IL16: variants seen among roughly 807,000 people sequenced by gnomAD.
The protein encoded by IL16 is pro-interleukin-16.
Under a neutral mutation model 110.1 loss-of-function variants are expected in IL16, and 67 were observed. That is an observed-to-expected ratio of 0.61 (90% confidence interval 0.50 to 0.75). The LOEUF (loss-of-function observed/expected upper bound fraction) is 0.75. Among genes scored for constraint, IL16 ranks in the 30% least tolerant of loss-of-function variants. The pLI, the probability that IL16 is intolerant of heterozygous loss-of-function variation, is 0.00. For synonymous variants in IL16, 689 were observed against 662.9 expected (o/e 1.04, Z -0.61); for missense variants, 1,545 against 1,655.0 (o/e 0.93, Z 1.15).
chr15:81,294,925 T>C (rs924393317), intron 12 of IL16, among the ~76,000 whole-genome samples: 5 of 152,232 alleles, frequency 3.3e-5, no homozygotes, highest in Admixed American at 2.6e-4. Flanking sequence ...CACTTTTCCC[T>C]CCCTGCAGTC....
chr15:81,265,458 C>T (rs1333510673), intron 3 of IL16, among the ~76,000 whole-genome samples: 1 of 152,164 alleles, frequency 6.6e-6, no homozygotes, highest in East Asian at 1.9e-4. Flanking sequence ...CCCTGCAGTA[C>T]AGACAGCATG....
At chr15:81,186,126 T>A (rs1480541414) in intron 1 of IL16, among the ~76,000 whole-genome samples, 1 of 152,330 alleles carries the variant, frequency 6.6e-6, no homozygotes, top group South Asian at 2.1e-4. Context: ...GGCCTCGCCC[T>A]GAACCCTGGA....
chr15:81,281,050 G>A (rs1281024886), intron 8 of IL16, among the ~76,000 whole-genome samples: 1 of 152,104 alleles, frequency 6.6e-6, no homozygotes, highest in African/African-American at 2.4e-5. Context: ...TGAGGCCAAG[G>A]GATCCACATT....
chr15:81,285,623 G>A, intron 9 of IL16, 75 bp from the exon 10 acceptor site: 1 of 1,493,802 alleles, frequency 6.7e-7, no homozygotes, highest in Non-Finnish European at 9.2e-7. Context: ...AGCCAGGAGT[G>A]GGCCCCTGGG....
chr15:81,290,479 T>C lies in IL16; in HGVS notation c.1359T>C (p.Ala453=). 1 of 1,613,354 alleles carries C rather than the reference T, an allele frequency of 6.2e-7. No individual in the cohort carries two copies. The highest frequency in any genetic ancestry group is 8.5e-7 in the Non-Finnish European group (1 of 1,179,650). Residue 453 remains alanine (A), a synonymous_variant, in exon 11 of 19, where the codon GCT becomes GCC. Coordinates refer to ENST00000683961, the MANE Select transcript of IL16 (RefSeq NM_172217.5). ...PQVSEQQLKE[A]VAQAVENTKF... Reference sequence around the variant, plus strand: ...TCTCTGAACAGCAACTCAAAGAAGCTGTGGCCCAGGCTGTGGAAAACACCA... The same window carrying C: ...TCTCTGAACAGCAACTCAAAGAAGCCGTGGCCCAGGCTGTGGAAAACACCA...
chr15:81,278,946 C>A, intron 7 of IL16, 56 bp downstream of exon 7: 1 of 1,174,304 alleles, frequency 8.5e-7, no homozygotes, highest in South Asian at 1.2e-5. Context: ...GCAAAGAAAC[C>A]AAGCTCTCAG....
chr15:81,210,807 T>C (rs1896211528), intron 1 of IL16, among the ~76,000 whole-genome samples: 1 of 152,242 alleles, frequency 6.6e-6, no homozygotes, highest in Admixed American at 6.5e-5. Context: ...GTTTGACTTC[T>C]TCTTTTCCTA....
intron 1 of IL16, among the ~76,000 whole-genome samples, chr15:81,185,133 C>T (rs1895399756): frequency 6.6e-6 from 1 of 152,054 alleles, no homozygotes; most frequent in African/African-American, 2.4e-5. Context: ...CACACCTTCC[C>T]CCACCATCCC....
At chr15:81,219,800 C>T (rs543407252) in intron 1 of IL16, among the ~76,000 whole-genome samples, 1 of 152,272 alleles carries the variant, frequency 6.6e-6, no homozygotes, top group African/African-American at 2.4e-5. Context: ...GAGAACACTT[C>T]ACATGATGTT....
At chr15:81,250,445 G>A (rs1010501580) in intron 2 of IL16, among the ~76,000 whole-genome samples, 3 of 152,204 alleles carry the variant, frequency 2.0e-5, no homozygotes, top group African/African-American at 7.2e-5. Context: ...TCAAAGTGCT[G>A]CGATTACAGG....
intron 1 of IL16, among the ~76,000 whole-genome samples, chr15:81,202,504 T>C (rs1382965974): frequency 2.3e-5 from 3 of 128,108 alleles, no homozygotes; most frequent in African/African-American, 8.8e-5. Flanking sequence ...GTCCCCAGTG[T>C]GTGATGTTCC....
In IL16 at chr15:81,310,996, G is replaced by A. The variant is rs1331536246; in HGVS notation, c.*2198G>A. Reference sequence around the variant, plus strand: ...AGACACAACAACTCCTAGGGCCACTGAAGATATAACTATTGCCCAGGTTTC... The same window carrying A: ...AGACACAACAACTCCTAGGGCCACTAAAGATATAACTATTGCCCAGGTTTC... On this transcript the variant is annotated 3_prime_UTR_variant, in exon 19 of 19. Transcript: ENST00000683961. The A allele has an allele frequency of 1.3e-5, 2 of 152,254 alleles. No individual in the cohort carries two copies. The highest frequency in any genetic ancestry group is 4.8e-5 in the African/African-American group (2 of 41,440). The allele number at this position is 152,254 out of a possible 1,614,324, so 9.4% of individuals were successfully genotyped here.
chr15:81,279,558 CA>C lies in IL16; in HGVS notation c.867del (p.Ala290ProfsTer10), dbSNP rs1312390254. On this transcript the variant is annotated frameshift_variant and splice_region_variant, in exon 8 of 19. Transcript: ENST00000683961. LOFTEE classifies it high-confidence loss of function. ...TTGTAGCCCTCTCTCTTTCTTTCAGCAAGCCAAAAAGGGGCTCCTCACCCTC... is the reference window on the plus strand; with the variant it reads ...TTGTAGCCCTCTCTCTTTCTTTCAGCAGCCAAAAAGGGGCTCCTCACCCTC... ...THQDALQKFK[Q>X]AKKGLLTLTV... The C allele has an allele frequency of 6.2e-7, 1 of 1,610,012 alleles. No homozygotes were observed. The highest frequency in any genetic ancestry group is 1.7e-5 in the Admixed American group (1 of 59,952).
In IL16 at chr15:81,226,243, A is replaced by G. The variant is rs182397381; in HGVS notation, c.312+532A>G. ...TGTAGATGCTGAAGGTGGCAAGTGGAGCCATCAATAGGGGAGGGGGAAATA... is the reference window on the plus strand; with the variant it reads ...TGTAGATGCTGAAGGTGGCAAGTGGGGCCATCAATAGGGGAGGGGGAAATA... On this transcript the variant is annotated intron_variant, in intron 2 of 18. Transcript: ENST00000683961. Among the ~76,000 whole-genome samples, 112 of 152,200 alleles carry G rather than the reference A, an allele frequency of 7.4e-4. No homozygotes were observed. In the East Asian group the frequency reaches 0.019, roughly 26 times the overall value.
rs754190273 is a variant in IL16 at position 81,190,543 on chromosome 15, A to G, written c.40+7647A>G. On this transcript the variant is annotated intron_variant, in intron 1 of 18. Coordinates refer to the IL16 transcript ENST00000302987. ...TGTGATGTCTCTTCCTCCCTTTCTTATAAGAAAAAGGGGAAATCATTATGG... is the reference window on the plus strand; with the variant it reads ...TGTGATGTCTCTTCCTCCCTTTCTTGTAAGAAAAAGGGGAAATCATTATGG... 2.6e-5 allele frequency among the ~76,000 whole-genome samples: 4 copies of G among 152,066 alleles called. No homozygotes were observed. The East Asian group carries it at 5.8e-4, about 22-fold the overall frequency.
Position 81,309,039 on chromosome 15 carries a change from G to C in IL16, c.*241G>C. ...AAATTGCAGACTGTGTAAAAAGAGAGCTTAATGATAATATTGTGGTGCCAC... is the reference window on the plus strand; with the variant it reads ...AAATTGCAGACTGTGTAAAAAGAGACCTTAATGATAATATTGTGGTGCCAC... On this transcript the variant is annotated 3_prime_UTR_variant, in exon 19 of 19. Transcript: ENST00000683961. 1 of 414,752 alleles carries C rather than the reference G, an allele frequency of 2.4e-6. No homozygotes were observed. Among genetic ancestry groups the C allele is most frequent in the South Asian group, 6.6e-5 (1 of 15,102 alleles). The allele number at this position is 414,752 out of a possible 1,614,324, so 25.7% of individuals were successfully genotyped here. A position where few individuals can be genotyped will look rare whatever the true frequency, so the allele number is the denominator to read the frequency against.
chr15:81,258,369 A>G (rs62035275), intron 2 of IL16, among the ~76,000 whole-genome samples: 2,419 of 152,294 alleles, frequency 0.016, 31 homozygotes, highest in Non-Finnish European at 0.023. Context: ...CAATACTATA[A>G]AATATTTTCT....
rs759110219 is a variant in IL16 at position 81,301,361 on chromosome 15, A to G, written c.3167A>G (p.Glu1056Gly). Residue 1056 changes from glutamate (E) to glycine (G), a missense_variant, in exon 15 of 19, where the codon GAA (glutamate) becomes GGA (glycine). Coordinates refer to ENST00000683961, the MANE Select transcript of IL16 (RefSeq NM_172217.5). ...TATGAAAGCCTTTCAGAGCTGAGAG[A>G]ATATACAGAGGGTCTCACGGAAGCC... is the stretch of plus-strand genomic sequence containing the variant. ...GFSLNLSELR[E>G]YTEGLTEAKE... 1.2e-6 allele frequency: 2 copies of G among 1,608,508 alleles called. No homozygotes were observed. Among genetic ancestry groups the G allele is most frequent in the Admixed American group, 3.4e-5 (2 of 58,388 alleles).
In IL16 at chr15:81,310,504, T is replaced by C. The variant is rs769361781; in HGVS notation, c.*1706T>C. On this transcript the variant is annotated 3_prime_UTR_variant, in exon 19 of 19. Coordinates refer to ENST00000683961, the MANE Select transcript of IL16 (RefSeq NM_172217.5). ...AGTAGACAAGCAATTAGACAAGAACTTGGAGGCACCATTTGTATCCACTTT... is the reference window on the plus strand; with the variant it reads ...AGTAGACAAGCAATTAGACAAGAACCTGGAGGCACCATTTGTATCCACTTT... The C allele has an allele frequency of 1.3e-5, 2 of 152,240 alleles. No homozygotes were observed. Among genetic ancestry groups the C allele is most frequent in the Admixed American group, 1.3e-4 (2 of 15,288 alleles). 9.4% of individuals were successfully genotyped at this position (152,240 alleles called of 1,614,324 possible). A position where few individuals can be genotyped will look rare whatever the true frequency, so the allele number is the denominator to read the frequency against.
Sources: gnomAD v4.1 joint callset for allele counts (sites outside exome capture counted in the v4.1 genomes callset) on GRCh38, gnomAD v4.1.1 for gene constraint, MANE v1.5 for transcripts, NCBI Gene and HGNC (gene_info 2026-07-23, HGNC 2026-07-21) for gene names.